Variants in GALNT9 observed in about 807,000 individuals in gnomAD.
GALNT9 encodes the protein polypeptide N-acetylgalactosaminyltransferase 9, also known as GalNAc transferase 9.
In GALNT9, 47 loss-of-function variants were observed where a neutral mutation model predicts 63.1. That is an observed-to-expected ratio of 0.75 (90% CI 0.59 to 0.95). The LOEUF is 0.95. Among genes scored for constraint, GALNT9 ranks in the 40% least tolerant of loss-of-function variants. The pLI is 0.00. For synonymous variants in GALNT9, 396 were observed against 365.7 expected (o/e 1.08, Z -0.94); for missense variants, 829 against 874.8 (o/e 0.95, Z 0.66).
At chr12:132,303,877 CTGGG>C in intron 1 of GALNT9, among the ~76,000 whole-genome samples, 1 of 64,858 alleles carries the variant, frequency 1.5e-5, no homozygotes. Flanking sequence ...ACACCCTCGC[CTGGG>C]CACAGCCTCA....
In GALNT9 at chr12:132,316,172, A is replaced by G. The variant is rs1296972662; in HGVS notation, c.238+12794T>C. Among the ~76,000 whole-genome samples, 1 of 152,058 alleles carries G rather than the reference A, an allele frequency of 6.6e-6. No homozygotes were observed. The highest frequency in any genetic ancestry group is 1.5e-5 in the Non-Finnish European group (1 of 68,004). ...GCTGGGAGGCGACCCCACAGACCCC[A>G]GCGTCCCAGTCCAGGCTCGGCTCTC... On this transcript the variant is annotated intron_variant, in intron 1 of 10. Transcript: ENST00000328957. The surrounding 1 kb of genome is among the most constrained non-coding windows in gnomAD (Gnocchi z 4.3).
chr12:132,203,590 G>A lies in GALNT9; in HGVS notation c.1178C>T (p.Ala393Val), dbSNP rs770000778. The A allele has an allele frequency of 6.8e-6, 11 of 1,613,814 alleles. No individual in the cohort carries two copies. The East Asian group carries it at 2.0e-4, about 29-fold the overall frequency. Residue 393 changes from alanine to valine, a missense_variant, in exon 7 of 11, where the codon GCC becomes GTC. Transcript: ENST00000328957. ...GGCGGCGCGCAGGGCGTTGCGCTTG[G>A]CATAGTAGTCAATGTCGTTGTTGTA... ...KPYNNDIDYY[A>V]KRNALRAAEV...
intron 2 of GALNT9, among the ~76,000 whole-genome samples, chr12:132,267,757 A>ACACACACT (rs146217743): frequency 0.056 from 8,051 of 144,110 alleles, 1,036 homozygotes; most frequent in African/African-American, 0.22. Context: ...ACACACACTC[A>ACACACACT]CACACACATG....
chr12:132,286,331 T>C lies in GALNT9; in HGVS notation c.338A>G (p.Lys113Arg). The change falls in exon 2 of 11, where the codon AAG becomes AGG. Residue 113 changes from lysine to arginine, a missense_variant. Lys to Arg is a conservative substitution (Grantham distance 26, BLOSUM62 2). Transcript: ENST00000328957. The surrounding 1 kb of genome is among the most constrained non-coding windows in gnomAD (Gnocchi z 7.4). ...LRDDGQEAEG[K>R]YEEYGYNAQL... ...AGCGTTGTAGCCGTACTCCTCATAC[T>C]TGCCTTCCGCCTCCTGGCCGTCATC... 1 of 1,551,190 alleles carries C rather than the reference T, an allele frequency of 6.4e-7. No individual in the cohort carries two copies. The highest frequency in any genetic ancestry group is 8.7e-7 in the Non-Finnish European group (1 of 1,146,908).
intron 6 of GALNT9, among the ~76,000 whole-genome samples, chr12:132,204,221 A>G (rs1266380646): frequency 6.6e-6 from 1 of 152,262 alleles, no homozygotes; most frequent in Non-Finnish European, 1.5e-5. Flanking sequence ...CACGCGCAGC[A>G]GAAACGTGTT....
At position 132,303,423 on chromosome 12, in the gene GALNT9, C is replaced by G. The variant is rs1273212699; in HGVS notation, c.239-16993G>C. 5.8e-4 allele frequency among the ~76,000 whole-genome samples: 83 copies of G among 143,932 alleles called. 1 individual carries two copies. The highest frequency in any genetic ancestry group is 2.1e-3 in the African/African-American group (80 of 38,714). 94.4% of individuals were successfully genotyped at this position (143,932 alleles called of 152,430 possible). A position where few individuals can be genotyped will look rare whatever the true frequency, so the allele number is the denominator to read the frequency against. The stretch of plus-strand genomic sequence containing the variant: ...CGGGCACACCCTCACCCGGGCACAG[C>G]CTCGCCCGGGCACACCCTCGCCCGG... On this transcript the variant is annotated intron_variant, in intron 1 of 10. Coordinates refer to ENST00000328957, the MANE Select transcript of GALNT9 (RefSeq NM_001122636.2).
chr12:132,219,148 G>A (rs561841807), intron 6 of GALNT9, among the ~76,000 whole-genome samples: 3 of 152,196 alleles, frequency 2.0e-5, no homozygotes, highest in South Asian at 2.1e-4. Context: ...TCCCTTGATC[G>A]GCAGAACGAC....
chr12:132,316,094 C>T lies in GALNT9; in HGVS notation c.238+12872G>A, dbSNP rs988891980. ...CCGTCATGTTTCCTCATCAGCCTTT[C>T]GCCTCCTCTCTCACTGAAAGAAGAG... is the stretch of plus-strand genomic sequence containing the variant. On this transcript the variant is annotated intron_variant, in intron 1 of 10. Coordinates refer to ENST00000328957, the MANE Select transcript of GALNT9 (RefSeq NM_001122636.2). This position sits in a 1 kb window ranked among gnomAD's most constrained non-coding sequence, Gnocchi z 4.3. 8.5e-5 allele frequency among the ~76,000 whole-genome samples: 13 copies of T among 152,158 alleles called. No homozygotes were observed. Among genetic ancestry groups the T allele is most frequent in the South Asian group, 2.1e-4 (1 of 4,828 alleles).
intron 1 of GALNT9, among the ~76,000 whole-genome samples, chr12:132,288,629 T>A (rs1350381562): frequency 6.6e-6 from 1 of 152,074 alleles, no homozygotes; most frequent in African/African-American, 2.4e-5. Flanking sequence ...TGCCCAGCGT[T>A]GGGGGCAGGA....
At chr12:132,247,691 C>T (rs782460086) in intron 6 of GALNT9, 2 of 717,056 alleles carry the variant, frequency 2.8e-6, no homozygotes, top group South Asian at 1.8e-5. Flanking sequence ...TGGCCGCACT[C>T]GCCCTCACCC....
intron 6 of GALNT9, among the ~76,000 whole-genome samples, chr12:132,228,470 G>C (rs1877781612): frequency 2.0e-5 from 3 of 148,764 alleles, no homozygotes; most frequent in Admixed American, 6.6e-5. Context: ...CCTCTGGCAA[G>C]ACAGGGCGGC....
intron 5 of GALNT9, among the ~76,000 whole-genome samples, chr12:132,255,933 T>A (rs1311408270): frequency 5.3e-5 from 8 of 151,848 alleles, no homozygotes. Context: ...GGCTGTCTGC[T>A]GTTTCTGTCC....
chr12:132,240,542 G>A (rs1395050196), intron 6 of GALNT9: 2 of 442,186 alleles, frequency 4.5e-6, no homozygotes, highest in Admixed American at 2.5e-5. Flanking sequence ...GGCCTGGCGT[G>A]GCCCCAGGGC....
Position 132,203,521 on chromosome 12 carries a change from C to T in GALNT9, c.1247G>A (p.Trp416Ter). 1 of 1,613,824 alleles carries T rather than the reference C, an allele frequency of 6.2e-7. No homozygotes were observed. Among genetic ancestry groups the T allele is most frequent in the East Asian group, 2.2e-5 (1 of 44,868 alleles). ...DDFKSHVYMA[W>*]NIPMSNPGVD... ...GGGACTCACCGACATGGGGATGTTC[C>T]AGGCCATGTACACGTGGGACTTGAA... Residue 416 changes from tryptophan (W) to a stop codon, truncating the protein, a stop_gained, in exon 7 of 11, where the codon TGG becomes TAG. Coordinates refer to ENST00000328957, the MANE Select transcript of GALNT9 (RefSeq NM_001122636.2). LOFTEE classifies it high-confidence loss of function.
Position 132,203,668 on chromosome 12 carries a change from A to G in GALNT9, c.1100T>C (p.Met367Thr). 1 of 1,613,036 alleles carries G rather than the reference A, an allele frequency of 6.2e-7. No individual in the cohort carries two copies. Among genetic ancestry groups the G allele is most frequent in the Non-Finnish European group, 8.5e-7 (1 of 1,179,680 alleles). Residue 367 changes from methionine to threonine, a missense_variant, in exon 7 of 11, where the codon ATG becomes ACG. Coordinates refer to ENST00000328957, the MANE Select transcript of GALNT9 (RefSeq NM_001122636.2). ...CACGCGGGAGCAGGGCAGCACCTCC[A>G]TGCTGCCGCCACACTGCCACACCTG... ...GMRVWQCGGS[M>T]EVLPCSRVAH...
At chr12:132,320,446 A>T (rs1035705956) in intron 1 of GALNT9, among the ~76,000 whole-genome samples, 1 of 152,230 alleles carries the variant, frequency 6.6e-6, no homozygotes, top group Non-Finnish European at 1.5e-5. Flanking sequence ...CATATTACTT[A>T]ACAGTTTCTT....
intron 9 of GALNT9, among the ~76,000 whole-genome samples, chr12:132,198,809 G>A (rs1237487123): frequency 6.6e-6 from 1 of 152,148 alleles, no homozygotes; most frequent in Non-Finnish European, 1.5e-5. Flanking sequence ...GCCCCACCAT[G>A]CCCGGCTAAT....
Position 132,197,102 on chromosome 12 carries a change from T to C in GALNT9, c.*5A>G, listed in dbSNP as rs1875559833. 6.2e-7 allele frequency: 1 copy of C among 1,613,482 alleles called. No homozygotes were observed. The highest frequency in any genetic ancestry group is 2.2e-5 in the East Asian group (1 of 44,866). On this transcript the variant is annotated 3_prime_UTR_variant, in exon 11 of 11. Coordinates refer to ENST00000328957, the MANE Select transcript of GALNT9 (RefSeq NM_001122636.2). ...AGGTCTGTGGGGGTCCGGGCGGAGG[T>C]GGGGTCAGTGCCGTGCGTGTTTGAT... is the stretch of plus-strand genomic sequence containing the variant.
intron 6 of GALNT9, among the ~76,000 whole-genome samples, chr12:132,237,051 C>T (rs1000246816): frequency 8.5e-5 from 13 of 152,200 alleles, no homozygotes; most frequent in Admixed American, 6.5e-5. Context: ...CTGGACTTCT[C>T]CTCCATCTCT....
Sources: allele counts gnomAD v4.1 joint callset (sites outside exome capture counted in the v4.1 genomes callset), GRCh38; gene constraint gnomAD v4.1.1; non-coding constraint Gnocchi (gnomAD v3.1); transcripts MANE v1.5; gene names NCBI Gene and HGNC (gene_info 2026-07-23, HGNC 2026-07-21).